The following LSAMP variants were observed in gnomAD, a reference collection of about 807,000 sequenced individuals.
The protein encoded by LSAMP is limbic system-associated membrane protein.
LSAMP carries 7 observed loss-of-function variants against 38.6 expected under a neutral mutation model. That is an observed-to-expected ratio of 0.18 (90% CI 0.10 to 0.34). The LOEUF (loss-of-function observed/expected upper bound fraction) is 0.34. LSAMP is among the 10% of genes least tolerant of loss of function. The pLI is 1.00. For missense variants in LSAMP, 313 were observed against 420.0 expected (o/e 0.75, Z 2.23); for synonymous variants, 154 against 166.8 (o/e 0.92, Z 0.59).
chr3:116,194,275 T>C (rs1282920855), intron 1 of LSAMP, among the ~76,000 whole-genome samples: 1 of 151,998 alleles, frequency 6.6e-6, no homozygotes, highest in Admixed American at 6.6e-5. Context: ...CGAGGAGCAA[T>C]ATAGGCAGCG....
At chr3:116,354,845 A>ATGTGTG (rs56975134) in intron 1 of LSAMP, among the ~76,000 whole-genome samples, 2,299 of 146,410 alleles carry the variant, frequency 0.016, 28 homozygotes, top group African/African-American at 0.035. Context: ...GGGTGTATAT[A>ATGTGTG]TGTGTGTGTG....
chr3:116,399,817 T>C (rs1246974477), intron 1 of LSAMP, among the ~76,000 whole-genome samples: 1 of 152,182 alleles, frequency 6.6e-6, no homozygotes, highest in Non-Finnish European at 1.5e-5. Context: ...TCATTGCACA[T>C]CTACAAGCAT....
At chr3:116,290,768 AAT>A (rs2047256091) in intron 1 of LSAMP, among the ~76,000 whole-genome samples, 1 of 146,936 alleles carries the variant, frequency 6.8e-6, no homozygotes, top group African/African-American at 2.5e-5. Flanking sequence ...TAATAATAAT[AAT>A]AATAAAATAA....
At chr3:115,973,675 A>T (rs971806738) in intron 3 of LSAMP, among the ~76,000 whole-genome samples, 11 of 152,144 alleles carry the variant, frequency 7.2e-5, no homozygotes, top group Non-Finnish European at 2.9e-5. Flanking sequence ...TGGAGGTTGC[A>T]GTGAGCCGAG....
chr3:115,822,435 A>G (rs1469084979), intron 6 of LSAMP, among the ~76,000 whole-genome samples: 2 of 140,480 alleles, frequency 1.4e-5, no homozygotes, highest in Non-Finnish European at 1.5e-5. Context: ...ATCTCGGCCC[A>G]CCACAACCTC....
chr3:116,206,662 T>A (rs866180553), intron 1 of LSAMP, among the ~76,000 whole-genome samples: 1 of 151,714 alleles, frequency 6.6e-6, no homozygotes, highest in African/African-American at 2.4e-5. Flanking sequence ...TCGTTATGTA[T>A]CCAGTAGTCA....
chr3:115,972,907 T>C (rs575383003), intron 3 of LSAMP, among the ~76,000 whole-genome samples: 21 of 149,878 alleles, frequency 1.4e-4, no homozygotes, highest in African/African-American at 4.1e-4. Context: ...TTTTGAATTA[T>C]ATATTATTAA....
intron 1 of LSAMP, among the ~76,000 whole-genome samples, chr3:116,341,731 G>A (rs1487722512): frequency 2.6e-5 from 4 of 151,884 alleles, no homozygotes; most frequent in Non-Finnish European, 4.4e-5. Flanking sequence ...CATTATGTTG[G>A]GGCAGAGCAA....
intron 1 of LSAMP, among the ~76,000 whole-genome samples, chr3:116,242,596 G>C (rs2046551809): frequency 6.6e-6 from 1 of 151,694 alleles, no homozygotes; most frequent in Non-Finnish European, 1.5e-5. Flanking sequence ...TTTTTTCTCT[G>C]CCACCCCTTA....
intron 3 of LSAMP, among the ~76,000 whole-genome samples, chr3:115,987,647 GT>G (rs1279457469): frequency 5.3e-5 from 8 of 152,164 alleles, no homozygotes; most frequent in African/African-American, 1.9e-4. Context: ...ATAGAATGTA[GT>G]TTTACAAGGT....
At chr3:116,011,590 C>A (rs1381760080) in intron 3 of LSAMP, among the ~76,000 whole-genome samples, 4 of 151,902 alleles carry the variant, frequency 2.6e-5, no homozygotes, top group Non-Finnish European at 2.9e-5. Flanking sequence ...TTAACCTGAC[C>A]ATTTCCATAC....
intron 1 of LSAMP, among the ~76,000 whole-genome samples, chr3:116,152,423 G>GT (rs1709633953): frequency 6.6e-6 from 1 of 152,074 alleles, no homozygotes; most frequent in Non-Finnish European, 1.5e-5. Context: ...TGGAGCTGGG[G>GT]TGCACATCCA....
At chr3:115,898,060 C>G (rs1393910493) in intron 3 of LSAMP, among the ~76,000 whole-genome samples, 2 of 152,082 alleles carry the variant, frequency 1.3e-5, no homozygotes, top group African/African-American at 2.4e-5. Context: ...CTAGGATAAG[C>G]TCAAGAAAGA....
chr3:116,283,386 G>A (rs187768594), intron 1 of LSAMP, among the ~76,000 whole-genome samples: 120 of 152,220 alleles, frequency 7.9e-4, no homozygotes, highest in Non-Finnish European at 1.9e-4. Flanking sequence ...AGGGAAATAA[G>A]GAAAAGGCAT....
intron 3 of LSAMP, among the ~76,000 whole-genome samples, chr3:115,966,668 A>G (rs1192449383): frequency 1.3e-5 from 2 of 152,224 alleles, no homozygotes; most frequent in East Asian, 3.8e-4. Flanking sequence ...TTTTTATCCA[A>G]TGAACTACTA....
At chr3:115,842,432 T>C (rs1268285004) in intron 5 of LSAMP, 26 bp downstream of exon 5, 1 of 1,611,288 alleles carries the variant, frequency 6.2e-7, no homozygotes, top group East Asian at 2.2e-5. Context: ...AGTGGAGTCA[T>C]GGGGGATGGT....
intron 6 of LSAMP, among the ~76,000 whole-genome samples, chr3:115,820,542 G>A (rs908757669): frequency 1.3e-5 from 2 of 152,178 alleles, no homozygotes; most frequent in African/African-American, 4.8e-5. Context: ...ATTTATTTAA[G>A]CTAATCTGTC....
intron 3 of LSAMP, among the ~76,000 whole-genome samples, chr3:115,949,463 AC>A (rs1473782041): frequency 4.6e-5 from 7 of 152,130 alleles, no homozygotes; most frequent in Non-Finnish European, 8.8e-5. Context: ...CTTTATGCAC[AC>A]AAACTAGAAA....
intron 3 of LSAMP, among the ~76,000 whole-genome samples, chr3:115,888,115 T>A (rs1364312288): frequency 6.6e-6 from 1 of 151,940 alleles, no homozygotes; most frequent in Non-Finnish European, 1.5e-5. Flanking sequence ...CAAAATACAT[T>A]TACTTGTGTG....
Sources: allele counts gnomAD v4.1 joint callset (sites outside exome capture counted in the v4.1 genomes callset), GRCh38; gene constraint gnomAD v4.1.1; transcripts MANE v1.5; gene names NCBI Gene and HGNC (gene_info 2026-07-23, HGNC 2026-07-21).